Variants in SIGLEC15 observed in about 807,000 individuals in gnomAD.
SIGLEC15 encodes sialic acid binding Ig like lectin 15, also known as sialic acid-binding Ig-like lectin 15.
Under a neutral mutation model 26.2 loss-of-function variants are expected in SIGLEC15, and 31 were observed. The ratio of observed to expected loss-of-function variants is 1.18; its 90% CI spans 0.89 to 1.60. The LOEUF (loss-of-function observed/expected upper bound fraction) is 1.60, where lower values mean the gene tolerates loss of function less well. Among genes scored for constraint, SIGLEC15 ranks in the 40% most tolerant of loss-of-function variants. The probability of loss-of-function intolerance (pLI) is 0.00; values close to 1 mark genes in which losing one functional copy is unlikely to be tolerated. For missense variants in SIGLEC15, 501 were observed against 488.4 expected (o/e 1.03, Z -0.24); for synonymous variants, 207 against 221.9 (o/e 0.93, Z 0.60).
chr18:45,839,237 G>T (rs574222756), intron 4 of SIGLEC15, 142 bp downstream of exon 4: 5 of 1,188,630 alleles, frequency 4.2e-6, no homozygotes, highest in East Asian at 6.5e-5. Flanking sequence ...TCCTCTCTTT[G>T]CATGAAGCCC....
Position 45,839,035 on chromosome 18 carries a change from GGC to G in SIGLEC15, c.815_816del (p.Gly272ValfsTer39), listed in dbSNP as rs751666012. The G allele has an allele frequency of 1.1e-4, 174 of 1,563,198 alleles. No individual in the cohort carries two copies. In the African/African-American group the frequency reaches 2.3e-3, roughly 20 times the overall value. On this transcript the variant is annotated frameshift_variant, in exon 4 of 6. Coordinates refer to ENST00000389474, the MANE Select transcript of SIGLEC15 (RefSeq NM_213602.3). LOFTEE classifies it high-confidence loss of function. ...GGTCGCCCTCCTGCTCGGCGCTCTC[GGC>G]TTCAAGGCGCTGCTGCTGCTCGGGG... ...STVALLLGAL[G>X]FKALLLLGVL...
chr18:45,837,562 G>T lies in SIGLEC15; in HGVS notation c.162G>T (p.Ala54=), dbSNP rs964059388. 1.3e-5 allele frequency: 20 copies of T among 1,516,302 alleles called. No individual in the cohort carries two copies. Among genetic ancestry groups the T allele is most frequent in the Admixed American group, 2.0e-5 (1 of 49,456 alleles). The allele number at this position is 1,516,302 out of a possible 1,614,324, so 93.9% of individuals were successfully genotyped here. ...TGCAGGTGCCACCCGAGGTGAGCGC[G>T]GAGGCAGGCGACGCGGCAGTGCTGC... is the stretch of plus-strand genomic sequence containing the variant. ...WSMQVPPEVS[A]EAGDAAVLPC... Residue 54 remains alanine (A), a synonymous_variant, in exon 3 of 6, where the codon GCG becomes GCT. Transcript: ENST00000389474.
intron 1 of SIGLEC15, among the ~76,000 whole-genome samples, chr18:45,829,562 T>A (rs917049841): frequency 6.6e-6 from 1 of 152,128 alleles, no homozygotes; most frequent in Non-Finnish European, 1.5e-5. Context: ...GTGTCTCTCC[T>A]TGCCCTCAAA....
At position 45,843,775 on chromosome 18, in the gene SIGLEC15, A is replaced by G; in HGVS notation, c.*1588A>G. ...GTGCCTATAGTCCCAGCAACTTGGG[A>G]GGCTGAGGCAGAAGTATTGCTTGAA... On this transcript the variant is annotated 3_prime_UTR_variant, in exon 6 of 6. Coordinates refer to ENST00000389474, the MANE Select transcript of SIGLEC15 (RefSeq NM_213602.3). 1 of 152,380 alleles carries G rather than the reference A, an allele frequency of 6.6e-6. No individual in the cohort carries two copies. Among genetic ancestry groups the G allele is most frequent in the Non-Finnish European group, 1.5e-5 (1 of 68,100 alleles). 9.4% of individuals were successfully genotyped at this position (152,380 alleles called of 1,614,324 possible).
Position 45,837,087 on chromosome 18 carries a change from C to T in SIGLEC15, c.111C>T (p.His37=). The T allele has an allele frequency of 1.2e-6, 2 of 1,612,382 alleles. No individual in the cohort carries two copies. The highest frequency in any genetic ancestry group is 1.3e-5 in the African/African-American group (1 of 75,010). The change falls in exon 2 of 6, where the codon CAC becomes CAT. Residue 37 remains histidine (H), a splice_region_variant and synonymous_variant. Coordinates refer to ENST00000389474, the MANE Select transcript of SIGLEC15 (RefSeq NM_213602.3). The part of the protein sequence containing the change: ...TTENLLNTEV[H]SSPAQRWSMQ... ...AGAACTTGCTCAACACAGAGGTGCA[C>T]AGTAAGTGCTTTTATTATTATCACC...
chr18:45,829,962 C>T (rs763839334), intron 1 of SIGLEC15, among the ~76,000 whole-genome samples: 9 of 152,226 alleles, frequency 5.9e-5, no homozygotes, highest in South Asian at 2.1e-4. Flanking sequence ...TATTCCACCA[C>T]GACTACCACG....
chr18:45,837,792 G>A lies in SIGLEC15; in HGVS notation c.392G>A (p.Arg131His). The A allele has an allele frequency of 6.6e-7, 1 of 1,523,734 alleles. No individual in the cohort carries two copies. Among genetic ancestry groups the A allele is most frequent in the Non-Finnish European group, 8.7e-7 (1 of 1,144,230 alleles). The allele number at this position is 1,523,734 out of a possible 1,614,324, so 94.4% of individuals were successfully genotyped here. ...RRNDLSLRVE[R>H]LALADDRRYF... The stretch of plus-strand genomic sequence containing the variant: ...AACGACCTCTCGCTGCGCGTCGAGC[G>A]CCTCGCCCTGGCTGACGACCGCCGC... The change falls in exon 3 of 6, where the codon CGC becomes CAC. Residue 131 changes from arginine (R) to histidine (H), a missense_variant. Physicochemically the swap from Arg to His is conservative, Grantham distance 29. Coordinates refer to ENST00000389474, the MANE Select transcript of SIGLEC15 (RefSeq NM_213602.3).
chr18:45,842,013 T>TG, intron 5 of SIGLEC15, 93 bp from the exon 6 acceptor site: 2 of 1,145,024 alleles, frequency 1.7e-6, no homozygotes, highest in South Asian at 2.5e-5. Context: ...CCCCAGAATG[T>TG]CTCCTCTTCT....
intron 1 of SIGLEC15, among the ~76,000 whole-genome samples, chr18:45,834,938 C>A (rs936385225): frequency 2.0e-5 from 3 of 152,216 alleles, no homozygotes; most frequent in Non-Finnish European, 4.4e-5. Context: ...GAAGTACTGA[C>A]TGAACCAGCC....
intron 1 of SIGLEC15, among the ~76,000 whole-genome samples, chr18:45,831,226 G>A (rs1011243470): frequency 1.3e-5 from 2 of 152,212 alleles, no homozygotes; most frequent in Non-Finnish European, 2.9e-5. Flanking sequence ...GCCTGCTGCC[G>A]TGTTGTGATG....
At position 45,837,625 on chromosome 18, in the gene SIGLEC15, G is replaced by A. The variant is rs2048286365; in HGVS notation, c.225G>A (p.Gly75=). ...CGCACCCGCACCGCCACTACGACGG[G>A]CCGCTGACGGCCATCTGGCGCGCGG... ...TFTHPHRHYD[G]PLTAIWRAGE... The change falls in exon 3 of 6, where the codon GGG becomes GGA. Residue 75 remains glycine, a synonymous_variant. Coordinates refer to ENST00000389474, the MANE Select transcript of SIGLEC15 (RefSeq NM_213602.3). 6.6e-7 allele frequency: 1 copy of A among 1,507,976 alleles called. No individual in the cohort carries two copies. Among genetic ancestry groups the A allele is most frequent in the Non-Finnish European group, 8.8e-7 (1 of 1,135,978 alleles). 93.4% of individuals were successfully genotyped at this position (1,507,976 alleles called of 1,614,324 possible).
intron 4 of SIGLEC15, among the ~76,000 whole-genome samples, chr18:45,839,545 G>C (rs2048307714): frequency 6.6e-6 from 1 of 152,172 alleles, no homozygotes; most frequent in African/African-American, 2.4e-5. Context: ...GCGGTAGACA[G>C]ATCATTGCAA....
intron 1 of SIGLEC15, among the ~76,000 whole-genome samples, chr18:45,829,345 G>A (rs2048213691): frequency 6.6e-6 from 1 of 152,220 alleles, no homozygotes; most frequent in East Asian, 1.9e-4. Flanking sequence ...TGTGCTGACA[G>A]TTGGAATTTC....
Position 45,839,025 on chromosome 18 carries a change from C to A in SIGLEC15, c.804C>A (p.Leu268=). ...GGGCCTCGACGGTCGCCCTCCTGCT[C>A]GGCGCTCTCGGCTTCAAGGCGCTGC... ...ASGASTVALL[L]GALGFKALLL... is the part of the protein sequence containing the mutation. Residue 268 remains leucine, a synonymous_variant, in exon 4 of 6, where the codon CTC becomes CTA. Transcript: ENST00000389474. The A allele has an allele frequency of 6.3e-7, 1 of 1,575,550 alleles. No individual in the cohort carries two copies. The highest frequency in any genetic ancestry group is 1.1e-5 in the South Asian group (1 of 87,504).
chr18:45,827,638 C>T (rs925663559), intron 1 of SIGLEC15, among the ~76,000 whole-genome samples: 1 of 152,172 alleles, frequency 6.6e-6, no homozygotes, highest in Non-Finnish European at 1.5e-5. Flanking sequence ...TCCCTGCCAC[C>T]TTGAAGAGGA....
intron 1 of SIGLEC15, among the ~76,000 whole-genome samples, chr18:45,834,595 G>A (rs144165960): frequency 3.9e-5 from 6 of 152,276 alleles, no homozygotes; most frequent in East Asian, 1.9e-4. Flanking sequence ...CCATCTTTAC[G>A]GCATCTGGCA....
intron 3 of SIGLEC15, chr18:45,838,385 T>G: frequency 2.3e-6 from 1 of 437,016 alleles, no homozygotes; most frequent in Non-Finnish European, 4.0e-6. Context: ...CTCTCCACTC[T>G]AGCCCCCACC....
At chr18:45,838,381 A>C in intron 3 of SIGLEC15, 1 of 425,602 alleles carries the variant, frequency 2.3e-6, no homozygotes, top group Non-Finnish European at 4.2e-6. Context: ...GTGGCTCTCC[A>C]CTCTAGCCCC....
chr18:45,841,984 C>T (rs1435326762), intron 5 of SIGLEC15, 122 bp from the exon 6 acceptor site: 16 of 899,514 alleles, frequency 1.8e-5, no homozygotes, highest in Admixed American at 9.8e-5. Context: ...TGAGCCCTGC[C>T]GGTTCCAGCC....
Sources: allele counts gnomAD v4.1 joint callset (sites outside exome capture counted in the v4.1 genomes callset), GRCh38; gene constraint gnomAD v4.1.1; transcripts MANE v1.5; gene names NCBI Gene and HGNC (gene_info 2026-07-23, HGNC 2026-07-21).